Variants in PLCE1 observed in about 807,000 individuals in gnomAD.
PLCE1 encodes the protein 1-phosphatidylinositol 4,5-bisphosphate phosphodiesterase epsilon-1.
Under a neutral mutation model 242.8 loss-of-function variants are expected in PLCE1, and 119 were observed. That is an observed-to-expected ratio of 0.49 (90% confidence interval 0.42 to 0.57). PLCE1 has a LOEUF of 0.57. Among genes scored for constraint, PLCE1 ranks in the 20% least tolerant of loss-of-function variants. The probability of loss-of-function intolerance (pLI) is 0.00; values close to 1 mark genes in which losing one functional copy is unlikely to be tolerated. For missense variants in PLCE1, 2,441 were observed against 2,788.8 expected (o/e 0.88, Z 2.81); for synonymous variants, 945 against 1,017.4 (o/e 0.93, Z 1.35).
chr10:94,295,969 C>T (rs986638858), intron 23 of PLCE1, among the ~76,000 whole-genome samples: 29 of 152,310 alleles, frequency 1.9e-4, no homozygotes, highest in African/African-American at 7.0e-4. Flanking sequence ...ACAAGAGAGA[C>T]AGCCTTTTCT....
intron 4 of PLCE1, 74 bp downstream of exon 4, chr10:94,171,570 G>A (rs140408334): frequency 5.4e-4 from 636 of 1,179,716 alleles, no homozygotes; most frequent in Middle Eastern, 3.6e-3. Flanking sequence ...TCCCCTTCTA[G>A]GTTTGTCTGT....
At chr10:94,152,561 GTCC>G (rs1390732641) in intron 3 of PLCE1, among the ~76,000 whole-genome samples, 1 of 152,178 alleles carries the variant, frequency 6.6e-6, no homozygotes, top group African/African-American at 2.4e-5. Context: ...TCAGAATTCT[GTCC>G]TCATTAGTTA....
chr10:94,214,646 G>C (rs1785551011), intron 4 of PLCE1, among the ~76,000 whole-genome samples: 1 of 152,048 alleles, frequency 6.6e-6, no homozygotes, highest in Admixed American at 6.6e-5. Flanking sequence ...TGTCCTTCCT[G>C]CTCCATCATT....
chr10:94,275,188 T>C (rs1178098021), intron 19 of PLCE1, among the ~76,000 whole-genome samples: 1 of 152,166 alleles, frequency 6.6e-6, no homozygotes, highest in African/African-American at 2.4e-5. Context: ...TCTTCCTTCC[T>C]TTTCCTCCTT....
intron 19 of PLCE1, chr10:94,279,531 T>C: frequency 1.9e-6 from 1 of 521,006 alleles, no homozygotes; most frequent in South Asian, 2.1e-5. Flanking sequence ...CCTGGCTAGC[T>C]GGGCACTGCA....
At position 94,252,400 on chromosome 10, in the gene PLCE1, C is replaced by A. The variant is rs1183631930; in HGVS notation, c.3181C>A (p.Pro1061Thr). The change falls in exon 9 of 33, where the codon CCC (proline) becomes ACC (threonine). Residue 1061 changes from proline (P) to threonine (T), a missense_variant. By Grantham distance (38) the Pro-to-Thr change is conservative (BLOSUM62 -1). Around this residue, in one of 5 missense-constraint regions of PLCE1, gnomAD observed 1,004 missense variants for 1,322.7 expected, o/e 0.76. Transcript: ENST00000371380. Reference sequence around the variant, plus strand: ...ACGGTGGAGTGCTCGAAACCCCAGCCCCGGAACATCAGCAAAGAATGCTGA... The same window carrying A: ...ACGGTGGAGTGCTCGAAACCCCAGCACCGGAACATCAGCAAAGAATGCTGA... ...GRRWSARNPS[P>T]GTSAKNAEKP... 2 of 1,613,826 alleles carry A rather than the reference C, an allele frequency of 1.2e-6. No individual in the cohort carries two copies. The highest frequency in any genetic ancestry group is 4.5e-5 in the East Asian group (2 of 44,882).
chr10:94,113,698 T>C (rs1202376390), intron 2 of PLCE1, among the ~76,000 whole-genome samples: 2 of 152,212 alleles, frequency 1.3e-5, no homozygotes, highest in Non-Finnish European at 2.9e-5. Context: ...ACATTAAGAC[T>C]GCCTTAAAGA....
intron 17 of PLCE1, 34 bp downstream of exon 17, chr10:94,269,070 C>T (rs777447900): frequency 1.2e-6 from 1 of 824,276 alleles, no homozygotes; most frequent in Non-Finnish European, 2.1e-6. Flanking sequence ...AATCAAATCA[C>T]AAAGAGACAT....
At chr10:94,045,323 G>A (rs533045044) in intron 2 of PLCE1, among the ~76,000 whole-genome samples, 3 of 151,962 alleles carry the variant, frequency 2.0e-5, no homozygotes, top group African/African-American at 4.8e-5. Context: ...TTTTGTAGAG[G>A]TAGGGTCTCA....
At chr10:94,005,829 G>C (rs1399848571) in intron 1 of PLCE1, among the ~76,000 whole-genome samples, 1 of 152,160 alleles carries the variant, frequency 6.6e-6, no homozygotes, top group Non-Finnish European at 1.5e-5. Context: ...GTCATGACAC[G>C]CTGCTGCCTT....
intron 3 of PLCE1, chr10:94,155,622 TTTG>T (rs1381787970): frequency 6.6e-6 from 1 of 152,140 alleles, no homozygotes; most frequent in African/African-American, 2.4e-5. Flanking sequence ...CACTTTTTTT[TTTG>T]TTCTTGTTTT....
chr10:94,245,828 C>G, intron 7 of PLCE1, 118 bp from the exon 8 acceptor site: 1 of 841,830 alleles, frequency 1.2e-6, no homozygotes, highest in Non-Finnish European at 2.0e-6. Flanking sequence ...TTTTGTATTT[C>G]CTATGCTAAT....
At chr10:94,202,567 T>C (rs1169567567) in intron 4 of PLCE1, among the ~76,000 whole-genome samples, 1 of 152,188 alleles carries the variant, frequency 6.6e-6, no homozygotes, top group Non-Finnish European at 1.5e-5. Context: ...TTTCTTCTCC[T>C]TGAGCTCTGC....
chr10:94,324,759 A>G (rs2053947243), intron 31 of PLCE1, 133 bp from the exon 32 acceptor site: 1 of 1,012,186 alleles, frequency 9.9e-7, no homozygotes, highest in Non-Finnish European at 1.5e-6. Context: ...AAGCAGTCCT[A>G]GAGGGGAGCT....
At chr10:94,167,334 C>G (rs1489491836) in intron 3 of PLCE1, among the ~76,000 whole-genome samples, 3 of 152,066 alleles carry the variant, frequency 2.0e-5, no homozygotes, top group Non-Finnish European at 4.4e-5. Flanking sequence ...CAGGAACCCT[C>G]TTTGATTTTA....
chr10:94,257,533 A>G (rs1341229079), intron 11 of PLCE1, among the ~76,000 whole-genome samples: 1 of 152,194 alleles, frequency 6.6e-6, no homozygotes, highest in Non-Finnish European at 1.5e-5. Flanking sequence ...ATGTCCATCA[A>G]TGATAGACTG....
At chr10:94,077,199 C>T (rs564550261) in intron 2 of PLCE1, among the ~76,000 whole-genome samples, 2 of 152,166 alleles carry the variant, frequency 1.3e-5, no homozygotes, top group Admixed American at 6.5e-5. Flanking sequence ...CAGTTTGGCC[C>T]CCGAGGTGAC....
At chr10:94,256,885 G>C (rs1038889886) in intron 11 of PLCE1, among the ~76,000 whole-genome samples, 38 of 152,232 alleles carry the variant, frequency 2.5e-4, no homozygotes, top group Non-Finnish European at 7.3e-5. Context: ...TCCTAAGTCT[G>C]ATAGTGGGAA....
At chr10:94,173,216 AG>A (rs1564755490) in intron 4 of PLCE1, among the ~76,000 whole-genome samples, 3 of 152,206 alleles carry the variant, frequency 2.0e-5, no homozygotes, top group Admixed American at 6.5e-5. Flanking sequence ...GAATAACTAT[AG>A]GATGCTGCTT....
Sources: allele counts gnomAD v4.1 joint callset (sites outside exome capture counted in the v4.1 genomes callset), GRCh38; gene constraint gnomAD v4.1.1; regional missense constraint gnomAD v4.1.1; transcripts MANE v1.5; gene names NCBI Gene and HGNC (gene_info 2026-07-23, HGNC 2026-07-21).